The following PMS1 variants were observed in gnomAD, a reference collection of about 807,000 sequenced individuals.
The protein encoded by PMS1 is PMS1 homolog 1, mismatch repair system component.
A neutral mutation model predicts 93.1 loss-of-function variants in PMS1; 79 were observed. The ratio of observed to expected loss-of-function variants is 0.85; its 90% CI spans 0.71 to 1.02. The LOEUF (loss-of-function observed/expected upper bound fraction) is 1.02. Among genes scored for constraint, PMS1 ranks in the 50% least tolerant of loss-of-function variants. PMS1 has a pLI of 0.00. For missense variants in PMS1, 1,064 were observed against 1,085.3 expected (o/e 0.98, Z 0.28); for synonymous variants, 335 against 363.4 (o/e 0.92, Z 0.89).
intron 11 of PMS1, among the ~76,000 whole-genome samples, chr2:189,872,668 T>C (rs915080223): frequency 6.6e-6 from 1 of 152,224 alleles, no homozygotes; most frequent in African/African-American, 2.4e-5. Context: ...AGTCTTGCTC[T>C]GTTGCCCAGG....
At position 189,863,860 on chromosome 2, in the gene PMS1, C is replaced by G; in HGVS notation, c.1974C>G (p.Ser658Arg). The G allele has an allele frequency of 6.2e-7, 1 of 1,613,932 alleles. No homozygotes were observed. Among genetic ancestry groups the G allele is most frequent in the Non-Finnish European group, 8.5e-7 (1 of 1,179,976 alleles). ...GCAGAAAAAAGATAAAACCCACCAGCGCATGGAATTTGGCCCAGAAGCACA... is the reference window on the plus strand; with the variant it reads ...GCAGAAAAAAGATAAAACCCACCAGGGCATGGAATTTGGCCCAGAAGCACA... The part of the protein sequence containing the change: ...KDGRKKIKPT[S>R]AWNLAQKHKL... The change falls in exon 10 of 13, where the codon AGC becomes AGG. Residue 658 changes from serine (S) to arginine (R), a missense_variant. By Grantham distance (110) the Ser-to-Arg change is moderately radical (BLOSUM62 -1). Transcript: ENST00000441310.
At chr2:189,872,677 G>C (rs1559336573) in intron 11 of PMS1, among the ~76,000 whole-genome samples, 2 of 152,194 alleles carry the variant, frequency 1.3e-5, no homozygotes, top group Non-Finnish European at 2.9e-5. Context: ...CTGTTGCCCA[G>C]GCTGGAGTGC....
chr2:189,823,431 C>T (rs1455344326), intron 5 of PMS1, among the ~76,000 whole-genome samples: 2 of 151,314 alleles, frequency 1.3e-5, no homozygotes, highest in African/African-American at 4.9e-5. Context: ...CTTCCTCCCA[C>T]CCCCTCAACA....
At chr2:189,841,493 A>G (rs556912278) in intron 5 of PMS1, among the ~76,000 whole-genome samples, 4 of 152,324 alleles carry the variant, frequency 2.6e-5, no homozygotes, top group African/African-American at 9.6e-5. Flanking sequence ...AAGCAGAGTC[A>G]TTGATTATTG....
intron 10 of PMS1, among the ~76,000 whole-genome samples, chr2:189,865,178 A>C (rs1452155021): frequency 3.9e-5 from 6 of 152,064 alleles, no homozygotes; most frequent in Non-Finnish European, 8.8e-5. Context: ...ATCTCAAAAT[A>C]CCTTTTTTTC....
intron 5 of PMS1, among the ~76,000 whole-genome samples, chr2:189,818,864 A>G (rs1376017676): frequency 2.6e-5 from 4 of 152,292 alleles, no homozygotes; most frequent in South Asian, 2.1e-4. Context: ...AGACTTCACA[A>G]TTTAGTGACA....
intron 1 of PMS1, among the ~76,000 whole-genome samples, chr2:189,787,683 T>C (rs2048486008): frequency 6.6e-6 from 1 of 152,148 alleles, no homozygotes; most frequent in Non-Finnish European, 1.5e-5. Flanking sequence ...TGAACAGTGC[T>C]GGATAGAGTA....
chr2:189,863,275 A>G (rs1186647644), intron 9 of PMS1, among the ~76,000 whole-genome samples: 3 of 141,760 alleles, frequency 2.1e-5, no homozygotes, highest in Admixed American at 7.2e-5. Context: ...TTTTTTTGAG[A>G]CAGAGTCTTG....
chr2:189,846,852 T>A (rs1401046753), intron 6 of PMS1, among the ~76,000 whole-genome samples: 1 of 151,686 alleles, frequency 6.6e-6, no homozygotes, highest in African/African-American at 2.4e-5. Flanking sequence ...TACATTCCAC[T>A]TCTTTTTTTT....
chr2:189,870,353 T>C (rs148499187), intron 11 of PMS1, among the ~76,000 whole-genome samples: 247 of 152,260 alleles, frequency 1.6e-3, no homozygotes, highest in African/African-American at 5.9e-3. Flanking sequence ...TCTAAGAACT[T>C]TGCATGCTAA....
At chr2:189,810,841 C>CA (rs1171299940) in intron 4 of PMS1, among the ~76,000 whole-genome samples, 1 of 151,918 alleles carries the variant, frequency 6.6e-6, no homozygotes, top group Non-Finnish European at 1.5e-5. Context: ...ATATTTTCTT[C>CA]TTTAGTATCC....
intron 3 of PMS1, among the ~76,000 whole-genome samples, chr2:189,800,031 A>C (rs1316079317): frequency 1.3e-5 from 2 of 152,200 alleles, no homozygotes; most frequent in Non-Finnish European, 2.9e-5. Context: ...TTTGAAGCCA[A>C]ATGCCAAGTC....
At chr2:189,786,005 A>G (rs2048309026) in intron 1 of PMS1, among the ~76,000 whole-genome samples, 1 of 152,118 alleles carries the variant, frequency 6.6e-6, no homozygotes, top group African/African-American at 2.4e-5. Flanking sequence ...CGCTCCTGTA[A>G]TCCCAGCTAC....
intron 1 of PMS1, among the ~76,000 whole-genome samples, chr2:189,789,780 A>G (rs2048677641): frequency 6.6e-6 from 1 of 152,160 alleles, no homozygotes; most frequent in East Asian, 1.9e-4. Context: ...ATGGGAAACA[A>G]AGTACCTTGA....
intron 4 of PMS1, among the ~76,000 whole-genome samples, chr2:189,811,776 G>A (rs2050867902): frequency 6.6e-6 from 1 of 152,240 alleles, no homozygotes; most frequent in Non-Finnish European, 1.5e-5. Context: ...CCAGTAATGT[G>A]TTGGACAGGA....
intron 8 of PMS1, 31 bp downstream of exon 8, chr2:189,854,113 C>A (rs1340142984): frequency 6.7e-7 from 1 of 1,502,356 alleles, no homozygotes; most frequent in South Asian, 1.2e-5. Flanking sequence ...TTTTCTTATG[C>A]TATTTATAAA....
chr2:189,817,208 AG>A (rs1461648085), intron 4 of PMS1, among the ~76,000 whole-genome samples: 1 of 152,226 alleles, frequency 6.6e-6, no homozygotes, highest in African/African-American at 2.4e-5. Flanking sequence ...AAGGTTGAGA[AG>A]CACTACACTA....
intron 4 of PMS1, among the ~76,000 whole-genome samples, chr2:189,815,298 C>T (rs1267772821): frequency 6.6e-6 from 1 of 152,000 alleles, no homozygotes; most frequent in Non-Finnish European, 1.5e-5. Context: ...TAATTCCCAC[C>T]CCTTTTCTCC....
intron 10 of PMS1, among the ~76,000 whole-genome samples, chr2:189,865,637 G>A (rs952203175): frequency 6.6e-6 from 1 of 151,986 alleles, no homozygotes; most frequent in Non-Finnish European, 1.5e-5. Flanking sequence ...TTCTATATGA[G>A]CAAATTGCTT....
Sources: gnomAD v4.1 joint callset for allele counts (sites outside exome capture counted in the v4.1 genomes callset) on GRCh38, gnomAD v4.1.1 for gene constraint, MANE v1.5 for transcripts, NCBI Gene and HGNC (gene_info 2026-07-23, HGNC 2026-07-21) for gene names.